The following HYDIN variants were observed in gnomAD, a reference collection of about 807,000 sequenced individuals.
The protein encoded by HYDIN is HYDIN axonemal central pair apparatus protein.
A neutral mutation model predicts 403.9 loss-of-function variants in HYDIN; 132 were observed. The observed-to-expected ratio is 0.33, with a 90% CI of 0.28 to 0.38. The LOEUF (loss-of-function observed/expected upper bound fraction) is 0.38, where lower values mean the gene tolerates loss of function less well. Ranked by LOEUF, HYDIN falls within the 10% of genes least tolerant of loss-of-function variation. The pLI is 1.00. For missense variants in HYDIN, 2,827 were observed against 5,009.5 expected, an observed-to-expected ratio of 0.56 and a Z score of 13.15; for synonymous variants, 1,202 against 1,891.7, an observed-to-expected ratio of 0.64 and a Z score of 9.46.
Position 70,834,070 on chromosome 16 carries a change from G to A in HYDIN, c.13496C>T (p.Pro4499Leu). 1.3e-6 allele frequency: 2 copies of A among 1,597,862 alleles called. No individual in the cohort carries two copies. The highest frequency in any genetic ancestry group is 1.7e-6 in the Non-Finnish European group (2 of 1,166,482). ...TTCCATGAACACTTCCTCAGAGAAGGGAGGGACACGCTTCTTCGGGGCAAA... is the reference window on the plus strand; with the variant it reads ...TTCCATGAACACTTCCTCAGAGAAGAGAGGGACACGCTTCTTCGGGGCAAA... Reference protein sequence around the residue: ...VIFAPKKRVPPFSEEVFMECM... With the variant: ...VIFAPKKRVPLFSEEVFMECM... The change falls in exon 79 of 86, where the codon CCC becomes CTC. Residue 4499 changes from proline (P) to leucine (L), a missense_variant. Pro to Leu is a moderately conservative substitution (Grantham distance 98). Coordinates refer to ENST00000393567, the MANE Select transcript of HYDIN (RefSeq NM_001270974.2).
At chr16:71,194,364 TCG>T (rs2144687771) in intron 1 of HYDIN, among the ~76,000 whole-genome samples, 1 of 152,226 alleles carries the variant, frequency 6.6e-6, no homozygotes, top group Admixed American at 6.5e-5. Flanking sequence ...TGAGCCAAGA[TCG>T]CACCACTGCA....
intron 1 of HYDIN, among the ~76,000 whole-genome samples, chr16:71,214,135 T>C (rs554363438): frequency 1.4e-3 from 206 of 152,212 alleles, no homozygotes; most frequent in Non-Finnish European, 2.6e-3. Context: ...AAAAAAGTTT[T>C]TAAAAAATCA....
chr16:70,927,837 G>T (rs2077198963), intron 45 of HYDIN, among the ~76,000 whole-genome samples: 1 of 152,120 alleles, frequency 6.6e-6, no homozygotes, highest in African/African-American at 2.4e-5. Context: ...AAGAAAAATG[G>T]CTGGCAACCT....
chr16:71,192,156 A>T (rs2087468465), intron 1 of HYDIN, among the ~76,000 whole-genome samples: 1 of 152,172 alleles, frequency 6.6e-6, no homozygotes. Context: ...TTATGGTCCC[A>T]GAGTCCACAC....
intron 35 of HYDIN, among the ~76,000 whole-genome samples, chr16:70,971,534 C>T (rs1014509113): frequency 6.6e-6 from 1 of 152,026 alleles, no homozygotes; most frequent in African/African-American, 2.4e-5. Context: ...GGCTGGGATT[C>T]AGCATTTTTA....
At chr16:71,018,823 T>C (rs1312986547) in intron 22 of HYDIN, among the ~76,000 whole-genome samples, 2 of 152,042 alleles carry the variant, frequency 1.3e-5, no homozygotes, top group Non-Finnish European at 1.5e-5. Flanking sequence ...TAAAATATTC[T>C]TAACTAAAAA....
At chr16:71,108,323 G>C (rs1160018330) in intron 10 of HYDIN, among the ~76,000 whole-genome samples, 4 of 152,038 alleles carry the variant, frequency 2.6e-5, no homozygotes, top group East Asian at 3.9e-4. Flanking sequence ...TTAAGCAAAA[G>C]AACAAAAACA....
At chr16:70,834,662 A>C (rs2037249131) in intron 78 of HYDIN, among the ~76,000 whole-genome samples, 1 of 152,126 alleles carries the variant, frequency 6.6e-6, no homozygotes. Flanking sequence ...AGCCTGGCCA[A>C]CATGGCGAAA....
chr16:71,222,518 C>T (rs1208984746), intron 1 of HYDIN, among the ~76,000 whole-genome samples: 15 of 151,926 alleles, frequency 9.9e-5, no homozygotes, highest in Admixed American at 6.6e-5. Flanking sequence ...TAAAGGGCAT[C>T]CAAATTGGAA....
intron 5 of HYDIN, among the ~76,000 whole-genome samples, chr16:71,175,037 C>A (rs932431373): frequency 1.4e-4 from 20 of 147,510 alleles, no homozygotes; most frequent in Non-Finnish European, 2.0e-4. Flanking sequence ...CCGCCTATAC[C>A]ACCATCAATG....
intron 5 of HYDIN, among the ~76,000 whole-genome samples, chr16:71,172,590 A>G (rs1046739908): frequency 2.0e-5 from 3 of 152,290 alleles, no homozygotes; most frequent in East Asian, 1.9e-4. Context: ...TTATCTGGGC[A>G]TTTGGCATTC....
At chr16:71,198,507 T>C (rs1360404645) in intron 1 of HYDIN, among the ~76,000 whole-genome samples, 7 of 152,156 alleles carry the variant, frequency 4.6e-5, no homozygotes, top group East Asian at 1.9e-4. Context: ...GAATGCAACA[T>C]CCTGAGATGG....
At chr16:70,954,573 T>C (rs1057509757) in intron 40 of HYDIN, among the ~76,000 whole-genome samples, 1 of 152,058 alleles carries the variant, frequency 6.6e-6, no homozygotes, top group African/African-American at 2.4e-5. Context: ...TCTAGGTACA[T>C]GACATCGCTC....
At position 71,126,037 on chromosome 16, in the gene HYDIN, C is replaced by A. The variant is rs559272142; in HGVS notation, c.1227+3603G>T. 1.2e-4 allele frequency among the ~76,000 whole-genome samples: 18 copies of A among 152,156 alleles called. No homozygotes were observed. In the South Asian group the frequency reaches 2.3e-3, roughly 19 times the overall value. On this transcript the variant is annotated intron_variant, in intron 9 of 85. Transcript: ENST00000393567. ...TGGTCACAGGGAAATGCTGCTTGCA[C>A]TCCATTGCTTGGAGAGTCACCTTCT...
chr16:71,091,020 T>C (rs7205580), intron 11 of HYDIN, among the ~76,000 whole-genome samples: 46 of 55,544 alleles, frequency 8.3e-4, no homozygotes, highest in East Asian at 5.3e-3. Context: ...TTCTGTATGG[T>C]GAGAATTCCT....
intron 75 of HYDIN, among the ~76,000 whole-genome samples, chr16:70,845,085 G>T (rs1387692072): frequency 2.6e-5 from 1 of 38,254 alleles, no homozygotes; most frequent in Non-Finnish European, 4.7e-5. Flanking sequence ...ATGTTGAATA[G>T]GAGTGGTGAG....
chr16:70,838,402 G>A (rs2037587804), intron 76 of HYDIN, among the ~76,000 whole-genome samples: 1 of 152,068 alleles, frequency 6.6e-6, no homozygotes, highest in Non-Finnish European at 1.5e-5. Context: ...TGTTGGCCAG[G>A]CTGATCTTGA....
In HYDIN at chr16:70,890,649, C is replaced by T. The variant is rs544015419; in HGVS notation, c.9657-945G>A. 1.2e-3 allele frequency among the ~76,000 whole-genome samples: 182 copies of T among 150,726 alleles called. No homozygotes were observed. In the South Asian group the frequency reaches 0.014, roughly 11 times the overall value. On this transcript the variant is annotated intron_variant, in intron 57 of 85. Transcript: ENST00000393567. ...AAGTGCCTCAGGAATCGGTAAAAAC[C>T]ATCCTTAATTTGCCCGAAAAAGAGT...
chr16:71,066,599 G>A (rs890101750), intron 15 of HYDIN: 2 of 237,904 alleles, frequency 8.4e-6, no homozygotes, highest in Non-Finnish European at 1.7e-5. Context: ...GAAGAGTGTG[G>A]CCCCAGGATT....
Sources: gnomAD v4.1 joint callset for allele counts (sites outside exome capture counted in the v4.1 genomes callset) on GRCh38, gnomAD v4.1.1 for gene constraint, MANE v1.5 for transcripts, NCBI Gene and HGNC (gene_info 2026-07-23, HGNC 2026-07-21) for gene names.